Variants in TTC31 observed in about 807,000 individuals in gnomAD.
TTC31 encodes tetratricopeptide repeat domain 31.
In TTC31, 59 loss-of-function variants were observed where a neutral mutation model predicts 60.4. The observed-to-expected ratio is 0.98, with a 90% CI of 0.79 to 1.21. The LOEUF is 1.21. TTC31 is among the 50% of genes most tolerant of loss of function. TTC31 has a pLI of 0.00. For synonymous variants in TTC31, 225 were observed against 249.6 expected (o/e 0.90, Z 0.93); for missense variants, 672 against 646.9 (o/e 1.04, Z -0.42).
rs777930801 is a variant in TTC31 at position 74,483,301 on chromosome 2, C to T, written c.41-21C>T. 5.1e-5 allele frequency: 83 copies of T among 1,613,658 alleles called. No homozygotes were observed. The Middle Eastern group carries it at 8.7e-4, about 17-fold the overall frequency. The stretch of plus-strand genomic sequence containing the variant: ...ATCTGTCCCGAGCCCGCTGACGAGG[C>T]TCCGCCTTCCTTTCCTGTAGACTGC... On this transcript the variant is annotated intron_variant, in intron 1 of 12. Coordinates refer to ENST00000233623, the MANE Select transcript of TTC31 (RefSeq NM_022492.6).
Position 74,492,034 on chromosome 2 carries a change from C to T in TTC31, c.907C>T (p.Gln303Ter). 6.2e-7 allele frequency: 1 copy of T among 1,614,244 alleles called. No individual in the cohort carries two copies. Among genetic ancestry groups the T allele is most frequent in the Non-Finnish European group, 8.5e-7 (1 of 1,180,042 alleles). The change falls in exon 9 of 13, where the codon CAA becomes TAA. Residue 303 changes from glutamine (Q) to a stop codon, truncating the protein, a stop_gained. Coordinates refer to ENST00000233623, the MANE Select transcript of TTC31 (RefSeq NM_022492.6). LOFTEE classifies it high-confidence loss of function. The part of the protein sequence containing the change: ...ASPGLLAAAL[Q>*]QSQELAKLGT... ...TCCGGGACTGCTGGCAGCTGCCTTA[C>T]AACAGAGCCAGGAACTGGCAAGTGA...
intron 2 of TTC31, among the ~76,000 whole-genome samples, chr2:74,488,170 G>A (rs1353579822): frequency 6.6e-6 from 1 of 152,164 alleles, no homozygotes; most frequent in Non-Finnish European, 1.5e-5. Context: ...AGTTAGGAAG[G>A]TGACACAAAC....
At position 74,494,478 on chromosome 2, in the gene TTC31, G is replaced by A. The variant is rs1047187366; in HGVS notation, c.*1260G>A. 5 of 152,204 alleles carry A rather than the reference G, an allele frequency of 3.3e-5. No individual in the cohort carries two copies. Among genetic ancestry groups the A allele is most frequent in the Non-Finnish European group, 4.4e-5 (3 of 68,062 alleles). 9.4% of individuals were successfully genotyped at this position (152,204 alleles called of 1,614,324 possible). A position where few individuals can be genotyped will look rare whatever the true frequency, so the allele number is the denominator to read the frequency against. On this transcript the variant is annotated 3_prime_UTR_variant, in exon 13 of 13. Transcript: ENST00000233623. Reference sequence around the variant, plus strand: ...CCTACCTCATAAGGGATATTGTGAGGATGGAAAGCGAAAGTGTGAGAAAAT... The same window carrying A: ...CCTACCTCATAAGGGATATTGTGAGAATGGAAAGCGAAAGTGTGAGAAAAT...
chr2:74,491,075 C>A (rs1398607643), intron 5 of TTC31, 53 bp from the exon 6 acceptor site: 2 of 1,607,514 alleles, frequency 1.2e-6, no homozygotes, highest in East Asian at 2.2e-5. Context: ...TAGCCCAGCA[C>A]ACGACATACA....
chr2:74,491,574 C>G lies in TTC31; in HGVS notation c.778C>G (p.Gln260Glu). Residue 260 changes from glutamine (Q) to glutamate (E), a missense_variant, in exon 8 of 13, where the codon CAG (glutamine) becomes GAG (glutamate). Gln to Glu is a conservative substitution (Grantham distance 29). Transcript: ENST00000233623. ...LSARREKGLN[Q>E]EPQGRGLALQ... ...TGCCCGCAGAGAGAAGGGACTGAAC[C>G]AGGAGCCCCAAGGCAGGGGTCTGGC... The G allele has an allele frequency of 6.2e-7, 1 of 1,614,184 alleles. No individual in the cohort carries two copies. Among genetic ancestry groups the G allele is most frequent in the Non-Finnish European group, 8.5e-7 (1 of 1,180,030 alleles).
rs1674237568 is a variant in TTC31 at position 74,494,208 on chromosome 2, T to G, written c.*990T>G. ...CCCTTACCTTTCACAGAGGAACCTT[T>G]CATCAGGATAAATGATTATTGCTGC... On this transcript the variant is annotated 3_prime_UTR_variant, in exon 13 of 13. Transcript: ENST00000233623. 6.6e-6 allele frequency: 1 copy of G among 152,366 alleles called. No homozygotes were observed. Among genetic ancestry groups the G allele is most frequent in the South Asian group, 2.1e-4 (1 of 4,834 alleles). The allele number at this position is 152,366 out of a possible 1,614,324, so 9.4% of individuals were successfully genotyped here.
At chr2:74,483,677 TC>T (rs1672724700) in intron 2 of TTC31, 2 of 1,258,644 alleles carry the variant, frequency 1.6e-6, no homozygotes, top group South Asian at 3.2e-5. Context: ...GGGTACGAGT[TC>T]CTTGGGAAAA....
intron 2 of TTC31, among the ~76,000 whole-genome samples, chr2:74,486,992 GA>G (rs1270528787): frequency 1.3e-5 from 2 of 152,202 alleles, no homozygotes; most frequent in African/African-American, 4.8e-5. Context: ...GTTCACTGGG[GA>G]AAAAGCATTC....
Position 74,492,759 on chromosome 2 carries a change from A to G in TTC31, c.1263+12A>G, listed in dbSNP as rs775952509. On this transcript the variant is annotated intron_variant, in intron 12 of 12. Coordinates refer to ENST00000233623, the MANE Select transcript of TTC31 (RefSeq NM_022492.6). Reference sequence around the variant, plus strand: ...TCCACCTCACACTGGTAAGGGGGCCAGGCACACTGTCATGCTGAGGCGGGT... The same window carrying G: ...TCCACCTCACACTGGTAAGGGGGCCGGGCACACTGTCATGCTGAGGCGGGT... 6 of 1,613,646 alleles carry G rather than the reference A, an allele frequency of 3.7e-6. No homozygotes were observed. Among genetic ancestry groups the G allele is most frequent in the East Asian group, 2.2e-5 (1 of 44,858 alleles).
intron 2 of TTC31, among the ~76,000 whole-genome samples, chr2:74,485,986 G>A (rs1673062604): frequency 6.6e-6 from 1 of 151,920 alleles, no homozygotes; most frequent in South Asian, 2.1e-4. Context: ...CTACACTCAC[G>A]GCCAGGCGCA....
rs774031823 is a variant in TTC31, at chr2:74,492,428, G to A, written c.1144G>A (p.Ala382Thr). Reference protein sequence around the residue: ...WPRGLFRLGKALMGLQRFREA... With the variant: ...WPRGLFRLGKTLMGLQRFREA... ...CCGGGGCCTCTTCCGCCTGGGCAAG[G>A]CCTTGATGGGACTACAGGTAATAGG... The change falls in exon 11 of 13, where the codon GCC (alanine) becomes ACC (threonine). Residue 382 changes from alanine to threonine, a missense_variant. Physicochemically the swap from Ala to Thr is moderately conservative, Grantham distance 58 (BLOSUM62 0). Coordinates refer to ENST00000233623, the MANE Select transcript of TTC31 (RefSeq NM_022492.6). 9.2e-6 allele frequency: 14 copies of A among 1,523,022 alleles called. No homozygotes were observed. In the African/African-American group the frequency reaches 1.9e-4, roughly 21 times the overall value. The allele number at this position is 1,523,022 out of a possible 1,614,324, so 94.3% of individuals were successfully genotyped here.
chr2:74,490,539 T>C, intron 4 of TTC31, 66 bp downstream of exon 4: 1 of 1,531,418 alleles, frequency 6.5e-7, no homozygotes, highest in Non-Finnish European at 8.9e-7. Flanking sequence ...TCCCCATCCC[T>C]ATATTCTCCC....
chr2:74,483,602 G>A (rs1464909267), intron 2 of TTC31, 192 bp downstream of exon 2: 2 of 1,452,456 alleles, frequency 1.4e-6, no homozygotes, highest in Middle Eastern at 1.8e-4. Flanking sequence ...TGATCCTGAT[G>A]TAACAGATGC....
Position 74,493,413 on chromosome 2 carries a change from T to G in TTC31, c.*195T>G. On this transcript the variant is annotated 3_prime_UTR_variant, in exon 13 of 13. Transcript: ENST00000233623. ...AGCCCCACATCCACTGAAACATCCT[T>G]TGGTTCTCAAGCTTCTTCTGGAGGC... The G allele has an allele frequency of 1.7e-6, 1 of 593,536 alleles. No homozygotes were observed. The highest frequency in any genetic ancestry group is 2.8e-6 in the Non-Finnish European group (1 of 351,112). 36.8% of individuals were successfully genotyped at this position (593,536 alleles called of 1,614,324 possible). A position where few individuals can be genotyped will look rare whatever the true frequency, so the allele number is the denominator to read the frequency against.
At chr2:74,492,853 G>A (rs546837103) in intron 12 of TTC31, 69 bp from the exon 13 acceptor site, 5 of 1,581,890 alleles carry the variant, frequency 3.2e-6, no homozygotes, top group Admixed American at 1.7e-5. Context: ...GGGAAGGATG[G>A]GTGGAATGAG....
At chr2:74,487,790 G>T (rs550405266) in intron 2 of TTC31, among the ~76,000 whole-genome samples, 4 of 151,842 alleles carry the variant, frequency 2.6e-5, no homozygotes, top group Non-Finnish European at 4.4e-5. Flanking sequence ...AGCAATTCTC[G>T]TGCCTCAGCC....
intron 2 of TTC31, among the ~76,000 whole-genome samples, chr2:74,488,605 G>A (rs1411275790): frequency 6.6e-6 from 1 of 152,200 alleles, no homozygotes; most frequent in African/African-American, 2.4e-5. Flanking sequence ...GACTTCTCCA[G>A]AATCAAACAG....
At position 74,492,219 on chromosome 2, in the gene TTC31, C is replaced by T. The variant is rs746928206; in HGVS notation, c.1009C>T (p.Gln337Ter). The change falls in exon 10 of 13, where the codon CAG becomes TAG. Residue 337 changes from glutamine to a stop codon, truncating the protein, a stop_gained. Transcript: ENST00000233623. LOFTEE classifies it high-confidence loss of function. ...CACCCAGGCCTTGAAGCTCAACCCCCAGGACCACCGGTAGGTGGGGGCTTG... is the reference window on the plus strand; with the variant it reads ...CACCCAGGCCTTGAAGCTCAACCCCTAGGACCACCGGTAGGTGGGGGCTTG... The part of the protein sequence containing the change: ...LFTQALKLNP[Q>*]DHRLFGNRSF... The T allele has an allele frequency of 1.9e-5, 30 of 1,614,110 alleles. No individual in the cohort carries two copies. The highest frequency in any genetic ancestry group is 6.7e-5 in the Admixed American group (4 of 60,002).
At chr2:74,483,786 G>A in intron 2 of TTC31, 1 of 329,246 alleles carries the variant, frequency 3.0e-6, no homozygotes, top group South Asian at 3.4e-5. Flanking sequence ...AGACCAGCCT[G>A]GGCAACATAG....
Sources: gnomAD v4.1 joint callset for allele counts (sites outside exome capture counted in the v4.1 genomes callset) on GRCh38, gnomAD v4.1.1 for gene constraint, MANE v1.5 for transcripts, NCBI Gene and HGNC (gene_info 2026-07-23, HGNC 2026-07-21) for gene names.